The following BCAP29 variants were observed in gnomAD, a reference collection of about 807,000 sequenced individuals.
BCAP29 encodes the protein B-cell receptor-associated protein 29.
BCAP29 carries 34 observed loss-of-function variants against 31.8 expected under a neutral mutation model. The observed-to-expected ratio is 1.07, with a 90% CI of 0.81 to 1.42. BCAP29 has a LOEUF of 1.42. Ranked by LOEUF, BCAP29 falls within the 40% of genes most tolerant of loss-of-function variation. The pLI is 0.00. For missense variants in BCAP29, 314 were observed against 269.2 expected, an observed-to-expected ratio of 1.17 and a Z score of -1.16; for synonymous variants, 104 against 91.3, an observed-to-expected ratio of 1.14 and a Z score of -0.79.
intron 5 of BCAP29, among the ~76,000 whole-genome samples, chr7:107,599,291 A>ATATATATTTATATATAATTTTTATATT (rs1810642881): frequency 9.0e-6 from 1 of 111,658 alleles, no homozygotes; most frequent in African/African-American, 3.8e-5. Context: ...ATTTTTATAT[A>ATATATATTTATATATAATTTTTATATT]TAAATTATAT....
chr7:107,615,421 C>G (rs547474379), intron 7 of BCAP29: 2 of 417,466 alleles, frequency 4.8e-6, no homozygotes, highest in East Asian at 7.2e-5. Flanking sequence ...AAGGTGAAAC[C>G]CTGTCTCTAC....
At chr7:107,580,088 TTC>T (rs1806288167), upstream of BCAP29, 1 of 152,216 alleles carries the variant, frequency 6.6e-6, no homozygotes, top group Admixed American at 6.5e-5. Flanking sequence ...GTCTAACTCA[TTC>T]TCTGACCTGC....
intron 3 of BCAP29, among the ~76,000 whole-genome samples, chr7:107,586,340 A>G (rs890881622): frequency 6.6e-6 from 1 of 152,154 alleles, no homozygotes; most frequent in African/African-American, 2.4e-5. Context: ...AGTACCAGTT[A>G]TCTACTCCTC....
intron 6 of BCAP29, among the ~76,000 whole-genome samples, chr7:107,608,523 A>G (rs1812575306): frequency 6.6e-6 from 1 of 152,016 alleles, no homozygotes; most frequent in Non-Finnish European, 1.5e-5. Context: ...TTCTGGCATT[A>G]CAAGATACTC....
intron 3 of BCAP29, among the ~76,000 whole-genome samples, chr7:107,592,022 T>G (rs1486838983): frequency 6.6e-6 from 1 of 152,118 alleles, no homozygotes; most frequent in East Asian, 1.9e-4. Context: ...CCTGGCCTCA[T>G]GCTATCCTTC....
rs370655627 is a variant in BCAP29, at chr7:107,619,839, A to G, written c.*1476A>G. On this transcript the variant is annotated 3_prime_UTR_variant, in exon 8 of 8. Coordinates refer to ENST00000005259, the MANE Select transcript of BCAP29 (RefSeq NM_018844.4). ...TGTGAAAATTAAGTCTAATGTCAGAATAACTTACAGAAAAATAGAAAATGC... is the reference window on the plus strand; with the variant it reads ...TGTGAAAATTAAGTCTAATGTCAGAGTAACTTACAGAAAAATAGAAAATGC... 1 of 152,344 alleles carries G rather than the reference A, an allele frequency of 6.6e-6. No homozygotes were observed. Among genetic ancestry groups the G allele is most frequent in the East Asian group, 1.9e-4 (1 of 5,186 alleles). 9.4% of individuals were successfully genotyped at this position (152,344 alleles called of 1,614,324 possible).
At chr7:107,612,428 TA>T (rs1563141447) in intron 6 of BCAP29, among the ~76,000 whole-genome samples, 3,630 of 42,680 alleles carry the variant, frequency 0.085, 249 homozygotes, top group African/African-American at 0.12. Flanking sequence ...TATATATATA[TA>T]TATATATATA....
chr7:107,587,797 A>G (rs1290836183), intron 3 of BCAP29: 1 of 152,134 alleles, frequency 6.6e-6, no homozygotes, highest in Non-Finnish European at 1.5e-5. Context: ...AAAATTATAG[A>G]AAGTTATCAA....
At chr7:107,599,294 A>ATTTATATATATTTTTTATTTATAT (rs1810646893) in intron 5 of BCAP29, among the ~76,000 whole-genome samples, 1 of 36,860 alleles carries the variant, frequency 2.7e-5, no homozygotes, top group African/African-American at 1.1e-4. Flanking sequence ...TTTATATATA[A>ATTTATATATATTTTTTATTTATAT]ATTATATATA....
At chr7:107,580,673 C>A in intron 1 of BCAP29, 86 bp from the exon 2 acceptor site, 2 of 869,016 alleles carry the variant, frequency 2.3e-6, no homozygotes, top group East Asian at 2.9e-5. Context: ...ACTGTCCATC[C>A]CCTGGACAAA....
chr7:107,611,927 A>G (rs897673917), intron 6 of BCAP29, among the ~76,000 whole-genome samples: 3 of 152,224 alleles, frequency 2.0e-5, no homozygotes, highest in Non-Finnish European at 2.9e-5. Flanking sequence ...AAAGTTCACA[A>G]TAGCCACATC....
intron 3 of BCAP29, among the ~76,000 whole-genome samples, chr7:107,591,774 CA>C (rs1808883962): frequency 6.6e-6 from 1 of 151,530 alleles, no homozygotes. Context: ...GGATTCTTGC[CA>C]AAAGTATTAA....
chr7:107,613,996 C>T (rs1254381635), intron 7 of BCAP29, among the ~76,000 whole-genome samples: 1 of 152,122 alleles, frequency 6.6e-6, no homozygotes, highest in Non-Finnish European at 1.5e-5. Flanking sequence ...AATGGTCATC[C>T]CTGTTAGGCT....
At chr7:107,615,062 A>C (rs773715895) in intron 7 of BCAP29, among the ~76,000 whole-genome samples, 5 of 152,196 alleles carry the variant, frequency 3.3e-5, no homozygotes, top group Non-Finnish European at 7.3e-5. Flanking sequence ...TAGATCTTTG[A>C]ATGGAGAAAG....
chr7:107,580,698 G>A, intron 1 of BCAP29, 61 bp from the exon 2 acceptor site: 1 of 1,177,522 alleles, frequency 8.5e-7, no homozygotes, highest in Admixed American at 2.1e-5. Context: ...CTGCGCCTCG[G>A]GGCCTTGAAC....
intron 3 of BCAP29, among the ~76,000 whole-genome samples, chr7:107,584,786 G>C (rs1807334198): frequency 6.6e-6 from 1 of 152,096 alleles, no homozygotes; most frequent in Non-Finnish European, 1.5e-5. Context: ...TAATATTAGG[G>C]AATTTTTGTT....
intron 7 of BCAP29, among the ~76,000 whole-genome samples, chr7:107,614,168 C>G (rs1274665500): frequency 6.6e-6 from 1 of 152,174 alleles, no homozygotes; most frequent in Admixed American, 6.5e-5. Flanking sequence ...AATTTGGCAG[C>G]CTTTGTGGCT....
intron 3 of BCAP29, among the ~76,000 whole-genome samples, chr7:107,588,136 T>C (rs1184710272): frequency 6.6e-6 from 1 of 152,180 alleles, no homozygotes; most frequent in Non-Finnish European, 1.5e-5. Flanking sequence ...AGTTTTATTG[T>C]TGGTAATTTA....
chr7:107,608,315 A>T (rs1466903904), intron 6 of BCAP29, among the ~76,000 whole-genome samples: 2 of 152,144 alleles, frequency 1.3e-5, no homozygotes, highest in African/African-American at 4.8e-5. Context: ...TTTGTTTGTC[A>T]GTATGGACTC....
Sources: allele counts gnomAD v4.1 joint callset (sites outside exome capture counted in the v4.1 genomes callset), GRCh38; gene constraint gnomAD v4.1.1; transcripts MANE v1.5; gene names NCBI Gene and HGNC (gene_info 2026-07-23, HGNC 2026-07-21).